BMERB1: variants seen among roughly 807,000 people sequenced by gnomAD.
BMERB1 encodes bMERB domain containing 1.
In BMERB1, 12 loss-of-function variants were observed where a neutral mutation model predicts 23.6. The observed-to-expected ratio is 0.51, with a 90% confidence interval of 0.33 to 0.82. The LOEUF (loss-of-function observed/expected upper bound fraction) is 0.82, where lower values mean the gene tolerates loss of function less well. Among genes scored for constraint, BMERB1 ranks in the 40% least tolerant of loss-of-function variants. The pLI is 0.03. For synonymous variants in BMERB1, 122 were observed against 96.6 expected, an observed-to-expected ratio of 1.26 and a Z score of -1.54; for missense variants, 247 against 255.4, an observed-to-expected ratio of 0.97 and a Z score of 0.22.
At chr16:15,541,384 G>A (rs2052077255) in intron 2 of BMERB1, among the ~76,000 whole-genome samples, 1 of 150,610 alleles carries the variant, frequency 6.6e-6, no homozygotes, top group African/African-American at 2.4e-5. Flanking sequence ...CCTCTTCCTG[G>A]CAGGTCAGCG....
chr16:15,561,391 C>T (rs1246070443), intron 2 of BMERB1, among the ~76,000 whole-genome samples: 5 of 150,738 alleles, frequency 3.3e-5, no homozygotes, highest in African/African-American at 1.2e-4. Context: ...GCTTCAGCCT[C>T]CTGAGAACTG....
chr16:15,517,844 ATTG>A (rs1033112073), intron 2 of BMERB1, among the ~76,000 whole-genome samples: 1 of 124,540 alleles, frequency 8.0e-6, no homozygotes, highest in Non-Finnish European at 1.7e-5. Flanking sequence ...GTATATGTGT[ATTG>A]TGGATGTGTG....
chr16:15,551,199 G>A (rs548138855), intron 2 of BMERB1, among the ~76,000 whole-genome samples: 9 of 152,306 alleles, frequency 5.9e-5, no homozygotes, highest in African/African-American at 1.9e-4. Context: ...CATGAGACTT[G>A]AAATTTTTCC....
At chr16:15,552,027 G>A (rs541825043) in intron 2 of BMERB1, among the ~76,000 whole-genome samples, 4 of 152,282 alleles carry the variant, frequency 2.6e-5, no homozygotes, top group African/African-American at 9.6e-5. Context: ...AAAGGCCTTA[G>A]GGGTAGGGTT....
At position 15,587,629 on chromosome 16, in the gene BMERB1, TG is replaced by T; in HGVS notation, c.*803del. The T allele has an allele frequency of 2.6e-6, 1 of 391,088 alleles. No individual in the cohort carries two copies. Among genetic ancestry groups the T allele is most frequent in the Non-Finnish European group, 5.4e-6 (1 of 186,892 alleles). The allele number at this position is 391,088 out of a possible 1,614,324, so 24.2% of individuals were successfully genotyped here. On this transcript the variant is annotated 3_prime_UTR_variant, in exon 6 of 6. Transcript: ENST00000300006. ...ATGGGACCCAGAGTAGATGCTGACC[TG>T]GGCACTCCACCATTCCGGGGCCACC... is the stretch of plus-strand genomic sequence containing the variant.
intron 2 of BMERB1, among the ~76,000 whole-genome samples, chr16:15,559,883 C>G (rs1165150260): frequency 6.6e-6 from 1 of 152,024 alleles, no homozygotes; most frequent in African/African-American, 2.4e-5. Context: ...GAAGAATTGT[C>G]TTGGACCACA....
intron 1 of BMERB1, among the ~76,000 whole-genome samples, chr16:15,472,050 C>G (rs1162433282): frequency 1.3e-5 from 2 of 151,964 alleles, no homozygotes; most frequent in Non-Finnish European, 2.9e-5. Flanking sequence ...GTTTAATTTC[C>G]AAGTGTCAGG....
At position 15,556,465 on chromosome 16, in the gene BMERB1, A is replaced by G. The variant is rs536080254; in HGVS notation, c.231-11518A>G. On this transcript the variant is annotated intron_variant, in intron 2 of 5. Coordinates refer to ENST00000300006, the MANE Select transcript of BMERB1 (RefSeq NM_033201.3). ...CAGCAAAGTAGGTCATAGCCAGTCAATGGGGGTACTGAGATCTGCATTGAG... is the reference window on the plus strand; with the variant it reads ...CAGCAAAGTAGGTCATAGCCAGTCAGTGGGGGTACTGAGATCTGCATTGAG... Among the ~76,000 whole-genome samples the G allele has an allele frequency of 1.4e-3, 215 of 152,336 alleles. 1 individual carries two copies. Among genetic ancestry groups the G allele is most frequent in the Non-Finnish European group, 2.4e-3 (160 of 68,028 alleles).
At chr16:15,476,712 A>G (rs2051277761) in intron 1 of BMERB1, among the ~76,000 whole-genome samples, 1 of 152,192 alleles carries the variant, frequency 6.6e-6, no homozygotes, top group Admixed American at 6.5e-5. Context: ...AGTCTGCTGA[A>G]GGGGAGGGGA....
At chr16:15,534,384 C>A (rs2052004934) in intron 2 of BMERB1, among the ~76,000 whole-genome samples, 1 of 150,228 alleles carries the variant, frequency 6.7e-6, no homozygotes, top group East Asian at 2.0e-4. Context: ...GAAACCCTGT[C>A]TCTACTAAGA....
chr16:15,510,313 A>G (rs2051647401), intron 1 of BMERB1, among the ~76,000 whole-genome samples: 1 of 152,130 alleles, frequency 6.6e-6, no homozygotes, highest in Admixed American at 6.5e-5. Context: ...TGAGGGTCAA[A>G]AAGCATGAAT....
chr16:15,508,828 C>CAAAAAAAAAAA (rs1181215065), intron 1 of BMERB1, among the ~76,000 whole-genome samples: 1 of 56,072 alleles, frequency 1.8e-5, no homozygotes, highest in African/African-American at 6.4e-5. Flanking sequence ...CCTGCCCCAC[C>CAAAAAAAAAAA]AAAAAAAAAA....
chr16:15,583,091 T>C, intron 4 of BMERB1, 65 bp from the exon 5 acceptor site: 4 of 1,245,618 alleles, frequency 3.2e-6, no homozygotes, highest in Non-Finnish European at 4.7e-6. Context: ...TTTATTTCAT[T>C]GGTTCCTTGA....
intron 2 of BMERB1, among the ~76,000 whole-genome samples, chr16:15,538,515 G>A (rs1405574149): frequency 2.6e-5 from 4 of 151,998 alleles, no homozygotes; most frequent in Non-Finnish European, 5.9e-5. Context: ...TGAAGATGGT[G>A]ACTGTTTGCT....
chr16:15,572,926 A>G (rs1415864784), intron 3 of BMERB1, among the ~76,000 whole-genome samples: 2 of 151,712 alleles, frequency 1.3e-5, no homozygotes, highest in Non-Finnish European at 2.9e-5. Context: ...CTTGATTCTC[A>G]TTTTCTGTGC....
intron 1 of BMERB1, among the ~76,000 whole-genome samples, chr16:15,511,310 T>C (rs1271055318): frequency 6.6e-6 from 1 of 152,104 alleles, no homozygotes; most frequent in Non-Finnish European, 1.5e-5. Flanking sequence ...CTCCCTCCAC[T>C]GTGTCTCCCT....
intron 1 of BMERB1, among the ~76,000 whole-genome samples, chr16:15,509,162 A>G (rs2051627940): frequency 6.6e-6 from 1 of 152,010 alleles, no homozygotes; most frequent in African/African-American, 2.4e-5. Flanking sequence ...TGCCGTTTTC[A>G]GCATCTGTCC....
chr16:15,480,023 A>T (rs1598462292), intron 1 of BMERB1, among the ~76,000 whole-genome samples: 1 of 147,864 alleles, frequency 6.8e-6, no homozygotes, highest in African/African-American at 2.5e-5. Flanking sequence ...ATATATATAT[A>T]ATATATATTT....
chr16:15,491,449 G>C (rs1567467102), intron 1 of BMERB1, among the ~76,000 whole-genome samples: 1 of 150,824 alleles, frequency 6.6e-6, no homozygotes. Flanking sequence ...CTCCCAAGTA[G>C]CTGGGATTAC....
Sources: allele counts gnomAD v4.1 joint callset (sites outside exome capture counted in the v4.1 genomes callset), GRCh38; gene constraint gnomAD v4.1.1; transcripts MANE v1.5; gene names NCBI Gene and HGNC (gene_info 2026-07-23, HGNC 2026-07-21).